The following C11orf58 variants were observed in gnomAD, a reference collection of about 807,000 sequenced individuals.
The protein encoded by C11orf58 is chromosome 11 open reading frame 58.
C11orf58 carries 5 observed loss-of-function variants against 22.7 expected under a neutral mutation model. The observed-to-expected ratio is 0.22, with a 90% confidence interval of 0.12 to 0.46. The LOEUF (loss-of-function observed/expected upper bound fraction) is 0.46. Ranked by LOEUF, C11orf58 falls within the 20% of genes least tolerant of loss-of-function variation. C11orf58 has a pLI of 0.99. For synonymous variants in C11orf58, 71 were observed against 70.7 expected, an observed-to-expected ratio of 1.00 and a Z score of -0.02; for missense variants, 151 against 223.3, an observed-to-expected ratio of 0.68 and a Z score of 2.06.
At chr11:16,748,604 G>C (rs1381229656) in intron 3 of C11orf58, 2 of 148,986 alleles carry the variant, frequency 1.3e-5, no homozygotes, top group African/African-American at 5.0e-5. Flanking sequence ...AATTAGCCTG[G>C]TGTGGTGGCT....
Position 16,748,113 on chromosome 11 carries a change from G to A in C11orf58, c.164G>A (p.Arg55His), listed in dbSNP as rs757217104. ...TTCTTATAGAAAGAACATACTGGTC[G>A]TCTTGTTATAGGAGATCACAAATCA... Reference protein sequence around the residue: ...MGAGKKEHTGRLVIGDHKSTS... With the variant: ...MGAGKKEHTGHLVIGDHKSTS... Residue 55 changes from arginine to histidine, a missense_variant, in exon 3 of 5, where the codon CGT (arginine) becomes CAT (histidine). Physicochemically the swap from Arg to His is conservative, Grantham distance 29. This residue lies in a region of C11orf58 where 112 missense variants were observed against 162.6 expected (regional missense o/e 0.69). Transcript: ENST00000228136. 4.3e-6 allele frequency: 7 copies of A among 1,612,610 alleles called. No homozygotes were observed. Among genetic ancestry groups the A allele is most frequent in the South Asian group, 1.1e-5 (1 of 91,048 alleles).
At chr11:16,743,370 T>TG (rs1228419194) in intron 1 of C11orf58, among the ~76,000 whole-genome samples, 1 of 152,242 alleles carries the variant, frequency 6.6e-6, no homozygotes, top group Non-Finnish European at 1.5e-5. Context: ...TTCCTGCTGA[T>TG]GGCTCTCCCA....
intron 4 of C11orf58, among the ~76,000 whole-genome samples, chr11:16,754,275 T>C (rs1042713314): frequency 2.0e-5 from 3 of 151,988 alleles, no homozygotes; most frequent in Non-Finnish European, 2.9e-5. Context: ...ATACCATGGT[T>C]TTCAAACTAG....
chr11:16,744,176 G>A (rs1848471063), intron 1 of C11orf58: 1 of 154,280 alleles, frequency 6.5e-6, no homozygotes, highest in South Asian at 2.0e-4. Context: ...CAGAGTACTA[G>A]GTGCTCTAGG....
chr11:16,752,854 C>T lies in C11orf58; in HGVS notation c.278C>T (p.Ser93Leu). ...QYQQSMDSKL[S>L]GRYRRHCGLG... ...CAGCAAAGTATGGACAGTAAATTAT[C>T]AGGAAGATATCGGCGACATTGTGGA... The change falls in exon 4 of 5, where the codon TCA becomes TTA. Residue 93 changes from serine (S) to leucine (L), a missense_variant. Ser to Leu is a moderately radical substitution (Grantham distance 145, BLOSUM62 -2). Coordinates refer to ENST00000228136, the MANE Select transcript of C11orf58 (RefSeq NM_014267.6). The T allele has an allele frequency of 6.2e-7, 1 of 1,611,896 alleles. No individual in the cohort carries two copies. Among genetic ancestry groups the T allele is most frequent in the South Asian group, 1.1e-5 (1 of 90,596 alleles).
At chr11:16,743,063 T>G (rs1023624573) in intron 1 of C11orf58, among the ~76,000 whole-genome samples, 3 of 152,220 alleles carry the variant, frequency 2.0e-5, no homozygotes, top group African/African-American at 7.2e-5. Context: ...ACTTGAGGAA[T>G]TTTTGAAACC....
intron 1 of C11orf58, 136 bp downstream of exon 1, chr11:16,738,977 T>A: frequency 1.1e-6 from 1 of 916,570 alleles, no homozygotes; most frequent in Non-Finnish European, 1.7e-6. Flanking sequence ...GAAGAATGAG[T>A]GGGAAATGCC....
intron 4 of C11orf58, among the ~76,000 whole-genome samples, chr11:16,753,103 T>C (rs1283772263): frequency 6.6e-6 from 1 of 151,290 alleles, no homozygotes; most frequent in Non-Finnish European, 1.5e-5. Context: ...TGTTTTTTCC[T>C]TTTTTTTTGA....
At chr11:16,749,685 C>T (rs1848516103) in intron 3 of C11orf58, 1 of 152,254 alleles carries the variant, frequency 6.6e-6, no homozygotes, top group African/African-American at 2.4e-5. Context: ...AGCCAGGGAT[C>T]TAGGTTGTGC....
Position 16,754,856 on chromosome 11 carries a change from T to G in C11orf58, c.319-15T>G, listed in dbSNP as rs1195566942. 6.2e-7 allele frequency: 1 copy of G among 1,610,680 alleles called. No homozygotes were observed. Among genetic ancestry groups the G allele is most frequent in the South Asian group, 1.1e-5 (1 of 90,274 alleles). ...AATGTTTATTTTTAAAAGAGCCTGTTGATTGATGTTTTAGGTAGAAGACCA... is the reference window on the plus strand; with the variant it reads ...AATGTTTATTTTTAAAAGAGCCTGTGGATTGATGTTTTAGGTAGAAGACCA... On this transcript the variant is annotated splice_polypyrimidine_tract_variant and intron_variant, in intron 4 of 4. Coordinates refer to ENST00000228136, the MANE Select transcript of C11orf58 (RefSeq NM_014267.6).
rs1848472871 is a variant in C11orf58 at position 16,744,399 on chromosome 11, C to T, written c.64-202C>T. ...AGACTCAGCTCTGGCTGTAGGAGAA[C>T]TAAAGGATTCTGCTGTGAGGTAATA... On this transcript the variant is annotated intron_variant, in intron 1 of 4. Coordinates refer to ENST00000228136, the MANE Select transcript of C11orf58 (RefSeq NM_014267.6). The T allele has an allele frequency of 5.6e-6, 3 of 531,122 alleles. No individual in the cohort carries two copies. The Admixed American group carries it at 9.5e-5, about 17-fold the overall frequency. The allele number at this position is 531,122 out of a possible 1,614,324, so 32.9% of individuals were successfully genotyped here.
chr11:16,754,752 CTGT>C (rs1848562000), intron 4 of C11orf58, 116 bp from the exon 5 acceptor site: 3 of 1,472,664 alleles, frequency 2.0e-6, no homozygotes, highest in Middle Eastern at 2.1e-4. Flanking sequence ...AGTCTTAAAG[CTGT>C]TGTTCTAATG....
At chr11:16,748,217 T>G in intron 3 of C11orf58, 60 bp downstream of exon 3, 1 of 1,376,550 alleles carries the variant, frequency 7.3e-7, no homozygotes, top group South Asian at 1.2e-5. Context: ...AAGTATGTGT[T>G]CATGTTTCAG....
intron 3 of C11orf58, chr11:16,749,299 A>G (rs909814034): frequency 2.4e-4 from 36 of 152,260 alleles, no homozygotes; most frequent in East Asian, 1.9e-4. Context: ...AACACAGCAT[A>G]TGTAGCACAT....
At chr11:16,752,484 G>A (rs1002484479) in intron 3 of C11orf58, 3 of 184,136 alleles carry the variant, frequency 1.6e-5, no homozygotes, top group Admixed American at 1.2e-4. Flanking sequence ...AGATAATTCT[G>A]TTTGTTAGAG....
intron 1 of C11orf58, among the ~76,000 whole-genome samples, chr11:16,740,259 A>C (rs7928675): frequency 0.2 from 29,813 of 152,208 alleles, 3,571 homozygotes; most frequent in East Asian, 0.48. Flanking sequence ...AGCGTGACAG[A>C]AAACTCCAGG....
chr11:16,748,209 G>A, intron 3 of C11orf58, 52 bp downstream of exon 3: 2 of 1,399,438 alleles, frequency 1.4e-6, no homozygotes, highest in Middle Eastern at 1.8e-4. Flanking sequence ...AGAATATGAA[G>A]TATGTGTTCA....
intron 2 of C11orf58, among the ~76,000 whole-genome samples, chr11:16,746,333 CTT>C (rs1303915629): frequency 6.6e-6 from 1 of 152,156 alleles, no homozygotes; most frequent in Admixed American, 6.5e-5. Context: ...TGCAATTTCT[CTT>C]GTTTCATGCA....
intron 4 of C11orf58, 58 bp downstream of exon 4, chr11:16,752,952 A>G: frequency 7.5e-7 from 1 of 1,337,066 alleles, no homozygotes; most frequent in African/African-American, 1.5e-5. Flanking sequence ...GGTACCATTT[A>G]TTGCTGTTAG....
Sources: gnomAD v4.1 joint callset for allele counts (sites outside exome capture counted in the v4.1 genomes callset) on GRCh38, gnomAD v4.1.1 for gene constraint, gnomAD v4.1.1 regional missense constraint, MANE v1.5 for transcripts, NCBI Gene and HGNC (gene_info 2026-07-23, HGNC 2026-07-21) for gene names.